DLG2: variants seen among roughly 807,000 people sequenced by gnomAD.
DLG2 encodes the protein discs large MAGUK scaffold protein 2.
A neutral mutation model predicts 132.5 loss-of-function variants in DLG2; 45 were observed. That is an observed-to-expected ratio of 0.34 (90% CI 0.27 to 0.44). The LOEUF is 0.44. DLG2 is among the 20% of genes least tolerant of loss of function. The probability of loss-of-function intolerance (pLI) is 1.00; values close to 1 mark genes in which losing one functional copy is unlikely to be tolerated. For synonymous variants in DLG2, 424 were observed against 419.6 expected, an observed-to-expected ratio of 1.01 and a Z score of -0.13; for missense variants, 1,045 against 1,196.9, an observed-to-expected ratio of 0.87 and a Z score of 1.87.
chr11:83,464,679 T>G (rs2090676923), intron 26 of DLG2, among the ~76,000 whole-genome samples: 1 of 152,356 alleles, frequency 6.6e-6, no homozygotes, highest in East Asian at 1.9e-4. Flanking sequence ...ATCTCATAGT[T>G]GTGGAAGGCA....
chr11:83,749,235 T>A (rs1261108345), intron 18 of DLG2, among the ~76,000 whole-genome samples: 2 of 152,164 alleles, frequency 1.3e-5, no homozygotes, highest in South Asian at 2.1e-4. Flanking sequence ...GAGGCAACCT[T>A]TTTGCCTTTC....
chr11:85,220,010 A>G (rs947217671), intron 4 of DLG2, among the ~76,000 whole-genome samples: 19 of 152,182 alleles, frequency 1.2e-4, no homozygotes, highest in African/African-American at 4.1e-4. Context: ...GAGTTTATTC[A>G]TTCATTCATT....
chr11:83,623,742 T>A (rs1458922768), intron 19 of DLG2, among the ~76,000 whole-genome samples: 1 of 152,242 alleles, frequency 6.6e-6, no homozygotes, highest in African/African-American at 2.4e-5. Flanking sequence ...GTTCAAACAC[T>A]GAGACTTAAG....
chr11:83,960,168 C>T (rs1004459106), intron 14 of DLG2, among the ~76,000 whole-genome samples: 2 of 152,146 alleles, frequency 1.3e-5, no homozygotes, highest in Admixed American at 6.6e-5. Flanking sequence ...TGACCAATGC[C>T]TACACAGTTT....
intron 7 of DLG2, among the ~76,000 whole-genome samples, chr11:84,300,517 A>G (rs1391507671): frequency 6.6e-6 from 1 of 152,198 alleles, no homozygotes; most frequent in Non-Finnish European, 1.5e-5. Flanking sequence ...TAGGAATTTT[A>G]AATGGGAACT....
intron 11 of DLG2, among the ~76,000 whole-genome samples, chr11:84,036,632 T>C (rs1472345643): frequency 6.6e-6 from 1 of 152,118 alleles, no homozygotes; most frequent in African/African-American, 2.4e-5. Flanking sequence ...GCCCAGATAA[T>C]TTTTATTTTT....
chr11:85,173,286 C>T (rs2079003679), intron 4 of DLG2, among the ~76,000 whole-genome samples: 1 of 152,126 alleles, frequency 6.6e-6, no homozygotes, highest in Non-Finnish European at 1.5e-5. Context: ...TAAGCAAAAA[C>T]CCTACAAACC....
chr11:85,045,085 A>G (rs1044003582), intron 6 of DLG2, among the ~76,000 whole-genome samples: 1 of 151,958 alleles, frequency 6.6e-6, no homozygotes, highest in African/African-American at 2.4e-5. Flanking sequence ...GCCCACCTGC[A>G]CCCTTCTTCC....
chr11:83,613,106 C>A (rs139639350), intron 19 of DLG2, among the ~76,000 whole-genome samples: 62 of 152,244 alleles, frequency 4.1e-4, no homozygotes, highest in African/African-American at 1.4e-3. Context: ...AAGCCTAAGT[C>A]AGGGGAGTGG....
intron 6 of DLG2, among the ~76,000 whole-genome samples, chr11:84,594,248 G>A (rs988587335): frequency 1.3e-5 from 2 of 152,180 alleles, no homozygotes; most frequent in African/African-American, 4.8e-5. Context: ...GTTAAACTGT[G>A]GGTGGATTTT....
intron 18 of DLG2, among the ~76,000 whole-genome samples, chr11:83,639,613 G>A (rs1305207458): frequency 6.6e-6 from 1 of 151,442 alleles, no homozygotes; most frequent in Non-Finnish European, 1.5e-5. Flanking sequence ...GTTGTGGGGT[G>A]GGGGGATGGG....
At chr11:84,781,780 T>C (rs2153910252) in intron 6 of DLG2, among the ~76,000 whole-genome samples, 2 of 152,234 alleles carry the variant, frequency 1.3e-5, no homozygotes, top group East Asian at 3.9e-4. Flanking sequence ...AGCCATGTAG[T>C]ATGGAAGGAA....
At chr11:83,521,677 C>T (rs554258271) in intron 21 of DLG2, among the ~76,000 whole-genome samples, 3 of 152,098 alleles carry the variant, frequency 2.0e-5, no homozygotes, top group African/African-American at 4.8e-5. Flanking sequence ...TTGCACCATT[C>T]GCCTTTTACC....
At chr11:85,143,873 T>G (rs948169900) in intron 5 of DLG2, among the ~76,000 whole-genome samples, 1 of 151,928 alleles carries the variant, frequency 6.6e-6, no homozygotes, top group South Asian at 2.1e-4. Flanking sequence ...GAATGACCCA[T>G]GTGCTGAAAG....
At position 84,028,791 on chromosome 11, in the gene DLG2, A is replaced by T. The variant is rs1447966127; in HGVS notation, c.919+30524T>A. On this transcript the variant is annotated intron_variant, in intron 11 of 27. Transcript: ENST00000376104. ...GTTCAACCTTCCTTTTCTCCCAGGTAGCAATAACCTCTCCTTCTTTTATGT... is the reference window on the plus strand; with the variant it reads ...GTTCAACCTTCCTTTTCTCCCAGGTTGCAATAACCTCTCCTTCTTTTATGT... Among the ~76,000 whole-genome samples, 3 of 152,084 alleles carry T rather than the reference A, an allele frequency of 2.0e-5. No homozygotes were observed. The East Asian group carries it at 5.8e-4, about 29-fold the overall frequency.
intron 3 of DLG2, among the ~76,000 whole-genome samples, chr11:85,364,897 G>A (rs2084422884): frequency 6.6e-6 from 1 of 150,996 alleles, no homozygotes; most frequent in Non-Finnish European, 1.5e-5. Flanking sequence ...TTCAGAGTTG[G>A]TACATTGTTT....
intron 10 of DLG2, among the ~76,000 whole-genome samples, chr11:84,090,568 T>C (rs949236471): frequency 4.6e-5 from 7 of 152,316 alleles, no homozygotes; most frequent in Admixed American, 1.3e-4. Context: ...TATACCATTG[T>C]TTGCCTTGGA....
At chr11:84,280,332 G>T (rs1358117578) in intron 7 of DLG2, among the ~76,000 whole-genome samples, 1 of 149,588 alleles carries the variant, frequency 6.7e-6, no homozygotes, top group Non-Finnish European at 1.5e-5. Flanking sequence ...ACGGAGTCAC[G>T]CTCTATCACC....
chr11:85,023,734 A>G (rs915547640), intron 6 of DLG2, among the ~76,000 whole-genome samples: 6 of 152,100 alleles, frequency 3.9e-5, no homozygotes, highest in Non-Finnish European at 7.4e-5. Context: ...AGAATATTCT[A>G]TATAAGATAT....
Sources: allele counts gnomAD v4.1 joint callset (sites outside exome capture counted in the v4.1 genomes callset), GRCh38; gene constraint gnomAD v4.1.1; transcripts MANE v1.5; gene names NCBI Gene and HGNC (gene_info 2026-07-23, HGNC 2026-07-21).